The following ANTXR1 variants were observed in gnomAD, a reference collection of about 807,000 sequenced individuals.
ANTXR1 encodes the protein ANTXR cell adhesion molecule 1.
Under a neutral mutation model 78.1 loss-of-function variants are expected in ANTXR1, and 19 were observed. That is an observed-to-expected ratio of 0.24 (90% CI 0.17 to 0.36). ANTXR1 has a LOEUF of 0.36. Among genes scored for constraint, ANTXR1 ranks in the 10% least tolerant of loss-of-function variants. The probability of loss-of-function intolerance (pLI) is 1.00; values close to 1 mark genes in which losing one functional copy is unlikely to be tolerated. For missense variants in ANTXR1, 518 were observed against 718.6 expected (o/e 0.72, Z 3.19); for synonymous variants, 273 against 260.5 (o/e 1.05, Z -0.46).
At position 69,148,926 on chromosome 2, in the gene ANTXR1, A is replaced by G. The variant is rs556926928; in HGVS notation, c.952-3243A>G. On this transcript the variant is annotated intron_variant, in intron 12 of 17. Transcript: ENST00000303714. ...ATCCTGTATTTCCTGGTTCTGCTCA[A>G]TGGGGAAATAATAGACCCTCAATAA... Among the ~76,000 whole-genome samples the G allele has an allele frequency of 1.6e-4, 24 of 152,338 alleles. No homozygotes were observed. The South Asian group carries it at 4.8e-3, about 30-fold the overall frequency.
At chr2:69,221,010 G>A (rs1367450992) in intron 17 of ANTXR1, among the ~76,000 whole-genome samples, 1 of 152,206 alleles carries the variant, frequency 6.6e-6, no homozygotes, top group Non-Finnish European at 1.5e-5. Context: ...TAGAGGAGAT[G>A]GATGGAATGC....
chr2:69,073,428 A>G (rs1670632825), intron 6 of ANTXR1, among the ~76,000 whole-genome samples: 1 of 152,218 alleles, frequency 6.6e-6, no homozygotes, highest in African/African-American at 2.4e-5. Context: ...ACAAATAAAC[A>G]TTGATATAAT....
At chr2:69,070,800 G>A in intron 4 of ANTXR1, 72 bp downstream of exon 4, 1 of 1,408,164 alleles carries the variant, frequency 7.1e-7, no homozygotes, top group Non-Finnish European at 1.0e-6. Flanking sequence ...TGACTGATGA[G>A]ATAAGGCACT....
At chr2:69,184,829 C>G (rs990981278) in intron 16 of ANTXR1, among the ~76,000 whole-genome samples, 1 of 152,166 alleles carries the variant, frequency 6.6e-6, no homozygotes, top group East Asian at 1.9e-4. Context: ...CTTTCAAACC[C>G]GGCTGAGTGT....
chr2:69,013,820 C>T lies in ANTXR1; in HGVS notation c.152+169C>T, dbSNP rs1042222215. On this transcript the variant is annotated intron_variant, in intron 1 of 17. Transcript: ENST00000303714. This position sits in a 1 kb window ranked among gnomAD's most constrained non-coding sequence, Gnocchi z 5.0. ...AGTGCTGCGCCTTTGTTGGGGCGCG[C>T]TCCTCCCAGCCTCGGCTCCAGAGCC... 3.3e-5 allele frequency among the ~76,000 whole-genome samples: 5 copies of T among 152,224 alleles called. No homozygotes were observed. Among genetic ancestry groups the T allele is most frequent in the African/African-American group, 1.2e-4 (5 of 41,460 alleles).
chr2:69,087,707 G>T (rs910218962), intron 8 of ANTXR1, among the ~76,000 whole-genome samples: 2 of 152,042 alleles, frequency 1.3e-5, no homozygotes, highest in African/African-American at 4.8e-5. Context: ...TGCATCTAGT[G>T]ATTTCCCATC....
chr2:69,034,210 T>A (rs567791358), intron 1 of ANTXR1, among the ~76,000 whole-genome samples: 5 of 152,342 alleles, frequency 3.3e-5, no homozygotes, highest in African/African-American at 1.2e-4. Flanking sequence ...ACTCTGGAAC[T>A]GCTTTCAGCA....
intron 13 of ANTXR1, among the ~76,000 whole-genome samples, chr2:69,168,733 G>A (rs1673897830): frequency 6.6e-6 from 1 of 152,190 alleles, no homozygotes; most frequent in Admixed American, 6.5e-5. Context: ...CTGGACAGGA[G>A]CGATCCTCCC....
intron 2 of ANTXR1, 76 bp downstream of exon 2, chr2:69,040,191 T>A: frequency 7.7e-7 from 1 of 1,292,884 alleles, no homozygotes; most frequent in Non-Finnish European, 1.1e-6. Flanking sequence ...GCTATTCTAT[T>A]AATTACTACA....
intron 5 of ANTXR1, 124 bp from the exon 6 acceptor site, chr2:69,072,898 T>G (rs2104215036): frequency 3.1e-6 from 3 of 960,118 alleles, no homozygotes; most frequent in East Asian, 4.8e-5. Flanking sequence ...AAAAGAAAAG[T>G]TGGTGATTCT....
chr2:69,108,209 C>T (rs977796856), intron 10 of ANTXR1, among the ~76,000 whole-genome samples: 1 of 152,084 alleles, frequency 6.6e-6, no homozygotes, highest in Non-Finnish European at 1.5e-5. Context: ...ATGCCATGAA[C>T]ATTATAATAA....
At chr2:69,228,245 T>G (rs1675511480) in intron 17 of ANTXR1, among the ~76,000 whole-genome samples, 1 of 152,194 alleles carries the variant, frequency 6.6e-6, no homozygotes, top group South Asian at 2.1e-4. Context: ...CAGGAAGGGT[T>G]GCTGCAGGGC....
At chr2:69,123,200 C>T in intron 11 of ANTXR1, 114 bp downstream of exon 11, 1 of 1,100,126 alleles carries the variant, frequency 9.1e-7, no homozygotes, top group Non-Finnish European at 1.4e-6. Flanking sequence ...TAGGTTCCTC[C>T]AGCTTATGAC....
intron 17 of ANTXR1, among the ~76,000 whole-genome samples, chr2:69,204,282 CT>C (rs554766866): frequency 2.3e-4 from 35 of 152,116 alleles, no homozygotes; most frequent in Admixed American, 1.7e-3. Context: ...AGGAAATAGG[CT>C]TTTGAACAGT....
intron 9 of ANTXR1, among the ~76,000 whole-genome samples, chr2:69,094,577 C>T (rs4527239): frequency 0.47 from 71,681 of 151,970 alleles, 17,276 homozygotes; most frequent in Admixed American, 0.62. Context: ...TTTTCCTTGG[C>T]CCCTAGAACA....
intron 1 of ANTXR1, among the ~76,000 whole-genome samples, chr2:69,030,226 C>T (rs1047726640): frequency 1.8e-4 from 28 of 152,160 alleles, no homozygotes; most frequent in Admixed American, 3.3e-4. Context: ...GTGAAGGAGT[C>T]CTTCGATTCT....
At chr2:69,242,271 T>C (rs1315094723) in intron 17 of ANTXR1, among the ~76,000 whole-genome samples, 1 of 152,062 alleles carries the variant, frequency 6.6e-6, no homozygotes, top group Admixed American at 6.5e-5. Flanking sequence ...CCTCCCCACC[T>C]CACTCCCCCA....
At position 69,096,267 on chromosome 2, in the gene ANTXR1, A is replaced by G. The variant is rs918407333; in HGVS notation, c.703+5348A>G. Among the ~76,000 whole-genome samples, 4 of 7,996 alleles carry G rather than the reference A, an allele frequency of 5.0e-4. 2 individuals carry two copies. The African/African-American group carries it at 7.7e-3, about 15-fold the overall frequency. 5.2% of individuals were successfully genotyped at this position (7,996 alleles called of 152,430 possible). ...AGCGAGACTCCGTCAAAAGGAAGGAAGGAAGGAAGGAAGGAAGGAAGGGAG... is the reference window on the plus strand; with the variant it reads ...AGCGAGACTCCGTCAAAAGGAAGGAGGGAAGGAAGGAAGGAAGGAAGGGAG... On this transcript the variant is annotated intron_variant, in intron 9 of 17. Coordinates refer to ENST00000303714, the MANE Select transcript of ANTXR1 (RefSeq NM_032208.3).
At chr2:69,207,426 T>C (rs565698070) in intron 17 of ANTXR1, among the ~76,000 whole-genome samples, 2 of 152,284 alleles carry the variant, frequency 1.3e-5, no homozygotes, top group East Asian at 3.9e-4. Flanking sequence ...ATGGGGGATG[T>C]GATTTGACTT....
Sources: allele counts gnomAD v4.1 joint callset (sites outside exome capture counted in the v4.1 genomes callset), GRCh38; gene constraint gnomAD v4.1.1; non-coding constraint Gnocchi (gnomAD v3.1); transcripts MANE v1.5; gene names NCBI Gene and HGNC (gene_info 2026-07-23, HGNC 2026-07-21).